The following ARHGEF17 variants were observed in gnomAD, a reference collection of about 807,000 sequenced individuals.
The protein encoded by ARHGEF17 is 164 kDa Rho-specific guanine-nucleotide exchange factor.
A neutral mutation model predicts 174.0 loss-of-function variants in ARHGEF17; 80 were observed. The ratio of observed to expected loss-of-function variants is 0.46; its 90% CI spans 0.38 to 0.55. The LOEUF is 0.55. Ranked by LOEUF, ARHGEF17 falls within the 20% of genes least tolerant of loss-of-function variation. The probability of loss-of-function intolerance (pLI) is 0.00; values close to 1 mark genes in which losing one functional copy is unlikely to be tolerated. For missense variants in ARHGEF17, 2,886 were observed against 2,839.7 expected, an observed-to-expected ratio of 1.02 and a Z score of -0.37; for synonymous variants, 1,311 against 1,189.1, an observed-to-expected ratio of 1.10 and a Z score of -2.11.
intron 2 of ARHGEF17, among the ~76,000 whole-genome samples, chr11:73,348,458 C>G (rs971170452): frequency 1.3e-5 from 2 of 152,196 alleles, no homozygotes; most frequent in African/African-American, 2.4e-5. Flanking sequence ...GAAATTCTGA[C>G]ATCCTACAAC....
chr11:73,357,227 A>T lies in ARHGEF17; in HGVS notation c.4002-15A>T, dbSNP rs1161926747. 2 of 1,613,474 alleles carry T rather than the reference A, an allele frequency of 1.2e-6. No homozygotes were observed. Among genetic ancestry groups the T allele is most frequent in the Non-Finnish European group, 1.7e-6 (2 of 1,179,534 alleles). Reference sequence around the variant, plus strand: ...TCCCCGACCCTGGCCAGAGCGCCCCATTGGCTCCCCACAGGTACACGGCAG... The same window carrying T: ...TCCCCGACCCTGGCCAGAGCGCCCCTTTGGCTCCCCACAGGTACACGGCAG... On this transcript the variant is annotated splice_polypyrimidine_tract_variant and intron_variant, in intron 8 of 20. Coordinates refer to ENST00000263674, the MANE Select transcript of ARHGEF17 (RefSeq NM_014786.4).
rs1038699674 is a variant in ARHGEF17 at position 73,327,582 on chromosome 11, A to C, written c.3192+15752A>C. 2.0e-5 allele frequency among the ~76,000 whole-genome samples: 3 copies of C among 152,196 alleles called. No homozygotes were observed. The East Asian group carries it at 5.8e-4, about 29-fold the overall frequency. On this transcript the variant is annotated intron_variant, in intron 1 of 20. Coordinates refer to ENST00000263674, the MANE Select transcript of ARHGEF17 (RefSeq NM_014786.4). ...ACTTCTTTGGCCACGAAAAATGTAG[A>C]ATGAGTAGGAAGTTGCCAAACATAG...
At chr11:73,359,520 C>T (rs1445367505) in intron 9 of ARHGEF17, among the ~76,000 whole-genome samples, 3 of 152,350 alleles carry the variant, frequency 2.0e-5, no homozygotes, top group South Asian at 4.1e-4. Context: ...GCAGCAGTTC[C>T]GTGTCAGCCA....
rs750156818 is a variant in ARHGEF17, at chr11:73,365,916, C to G, written c.5964C>G (p.Leu1988=). ...AGCTGCCAGATGGCTTCAACCTGCT[C>G]TGCCCAACCCCACCACCTCCCCCAG... The part of the protein sequence containing the change: ...AVQLPDGFNL[L]CPTPPPPPDT... The change falls in exon 20 of 21, where the codon CTC becomes CTG. Residue 1988 remains leucine, a synonymous_variant. Transcript: ENST00000263674. This position sits in a 1 kb window ranked among gnomAD's most constrained non-coding sequence, Gnocchi z 4.9. 8 of 1,605,776 alleles carry G rather than the reference C, an allele frequency of 5.0e-6. No homozygotes were observed. The highest frequency in any genetic ancestry group is 2.2e-5 in the East Asian group (1 of 44,882).
chr11:73,357,808 C>T (rs1029353132), intron 9 of ARHGEF17, among the ~76,000 whole-genome samples: 12 of 152,200 alleles, frequency 7.9e-5, no homozygotes, highest in African/African-American at 1.7e-4. Context: ...CCTCCTGCGG[C>T]GTCTGTCTTT....
intron 1 of ARHGEF17, among the ~76,000 whole-genome samples, chr11:73,318,109 A>G (rs1470533327): frequency 6.6e-6 from 1 of 152,146 alleles, no homozygotes; most frequent in East Asian, 1.9e-4. Flanking sequence ...CGGTTGCAGA[A>G]TGAAGTGCTG....
chr11:73,340,187 C>T (rs1168639298), intron 1 of ARHGEF17, among the ~76,000 whole-genome samples: 1 of 152,186 alleles, frequency 6.6e-6, no homozygotes, highest in Non-Finnish European at 1.5e-5. Flanking sequence ...TGTTCCTTCT[C>T]TTTGCTTCCT....
At chr11:73,349,029 C>T (rs897779533) in intron 2 of ARHGEF17, among the ~76,000 whole-genome samples, 1 of 152,118 alleles carries the variant, frequency 6.6e-6, no homozygotes, top group Non-Finnish European at 1.5e-5. Flanking sequence ...CAGAGGTGGC[C>T]AGGTGGCTGC....
At chr11:73,317,186 C>A (rs560275777) in intron 1 of ARHGEF17, among the ~76,000 whole-genome samples, 2 of 152,218 alleles carry the variant, frequency 1.3e-5, no homozygotes, top group East Asian at 3.9e-4. Flanking sequence ...CCACAGGGTC[C>A]CAGTGAGGCA....
intron 2 of ARHGEF17, among the ~76,000 whole-genome samples, chr11:73,349,564 C>G (rs1274282420): frequency 6.6e-6 from 1 of 152,176 alleles, no homozygotes; most frequent in South Asian, 2.1e-4. Flanking sequence ...TGCAGCGAGC[C>G]GAGATCCTGC....
chr11:73,329,522 C>T (rs1865169760), intron 1 of ARHGEF17, among the ~76,000 whole-genome samples: 1 of 150,212 alleles, frequency 6.7e-6, no homozygotes, highest in South Asian at 2.1e-4. Flanking sequence ...GCCTCAGCCT[C>T]CCGAGTAGCT....
chr11:73,337,943 T>C (rs1865312370), intron 1 of ARHGEF17, among the ~76,000 whole-genome samples: 1 of 152,182 alleles, frequency 6.6e-6, no homozygotes, highest in Non-Finnish European at 1.5e-5. Context: ...ACTGTCCCCA[T>C]AGCAGGAAGA....
chr11:73,353,230 C>T (rs182832875), intron 3 of ARHGEF17: 25 of 614,246 alleles, frequency 4.1e-5, no homozygotes, highest in South Asian at 1.6e-4. Flanking sequence ...GACTCTGGCA[C>T]GGACTCCGAC....
chr11:73,344,062 C>A (rs957454904), intron 1 of ARHGEF17, among the ~76,000 whole-genome samples: 1 of 152,202 alleles, frequency 6.6e-6, no homozygotes, highest in African/African-American at 2.4e-5. Context: ...GAGTGGCCCC[C>A]TCTGTCTTCC....
intron 1 of ARHGEF17, among the ~76,000 whole-genome samples, chr11:73,344,008 G>A (rs573626903): frequency 1.3e-5 from 2 of 152,198 alleles, no homozygotes; most frequent in Non-Finnish European, 2.9e-5. Flanking sequence ...CACTGTGCCC[G>A]TCAGGGTTTC....
chr11:73,339,811 T>G lies in ARHGEF17; in HGVS notation c.3193-7072T>G, dbSNP rs145066223. Among the ~76,000 whole-genome samples, 17 of 152,318 alleles carry G rather than the reference T, an allele frequency of 1.1e-4. 1 individual carries two copies. The East Asian group carries it at 3.1e-3, about 28-fold the overall frequency. On this transcript the variant is annotated intron_variant, in intron 1 of 20. Coordinates refer to ENST00000263674, the MANE Select transcript of ARHGEF17 (RefSeq NM_014786.4). ...AGCCCTTTTTCCCCCTCTCTGTCTT[T>G]CCTTCTCTGACTAAAGAGCAGGTGA... is the stretch of plus-strand genomic sequence containing the variant.
chr11:73,358,320 C>G (rs978884433), intron 9 of ARHGEF17, among the ~76,000 whole-genome samples: 1 of 152,176 alleles, frequency 6.6e-6, no homozygotes, highest in African/African-American at 2.4e-5. Context: ...CTGCAAGGGG[C>G]CTGTGCCTCA....
At position 73,363,379 on chromosome 11, in the gene ARHGEF17, G is replaced by T. The variant is rs753946387; in HGVS notation, c.5170G>T (p.Gly1724Cys). The T allele has an allele frequency of 1.2e-6, 2 of 1,613,192 alleles. No individual in the cohort carries two copies. Among genetic ancestry groups the T allele is most frequent in the Non-Finnish European group, 8.5e-7 (1 of 1,179,910 alleles). ...CTCCAGCCACGGCTCCTTCACCCGG[G>T]GCAGCCTTGAGGACCTGCTGAGTGT... is the stretch of plus-strand genomic sequence containing the variant. Reference protein sequence around the residue: ...RRSSHGSFTRGSLEDLLSVDP... With the variant: ...RRSSHGSFTRCSLEDLLSVDP... Residue 1724 changes from glycine (G) to cysteine (C), a missense_variant, in exon 15 of 21, where the codon GGC becomes TGC. Gly to Cys is a radical substitution (Grantham distance 159). Coordinates refer to ENST00000263674, the MANE Select transcript of ARHGEF17 (RefSeq NM_014786.4).
Position 73,311,071 on chromosome 11 carries a change from G to T in ARHGEF17, c.2433G>T (p.Gly811=), listed in dbSNP as rs142129853. Residue 811 remains glycine (G), a synonymous_variant, in exon 1 of 21, where the codon GGG becomes GGT. Coordinates refer to ENST00000263674, the MANE Select transcript of ARHGEF17 (RefSeq NM_014786.4). ...QSIVQGPGTL[G]RVVDDRIAGK... The stretch of plus-strand genomic sequence containing the variant: ...TAGTTCAGGGGCCTGGCACCCTGGG[G>T]CGTGTGGTGGACGACAGGATTGCTG... The T allele has an allele frequency of 4.6e-4, 736 of 1,612,726 alleles. 8 individuals carry two copies. The African/African-American group carries it at 8.5e-3, about 19-fold the overall frequency.
Sources: allele counts gnomAD v4.1 joint callset (sites outside exome capture counted in the v4.1 genomes callset), GRCh38; gene constraint gnomAD v4.1.1; non-coding constraint Gnocchi (gnomAD v3.1); transcripts MANE v1.5; gene names NCBI Gene and HGNC (gene_info 2026-07-23, HGNC 2026-07-21).